The following KPNA1 variants were observed in gnomAD, a reference collection of about 807,000 sequenced individuals.
KPNA1 encodes importin subunit alpha-5.
In KPNA1, 10 loss-of-function variants were observed where a neutral mutation model predicts 70.5. The observed-to-expected ratio is 0.14, with a 90% CI of 0.09 to 0.24. The LOEUF is 0.24. Ranked by LOEUF, KPNA1 falls within the 10% of genes least tolerant of loss-of-function variation. The pLI is 1.00. For synonymous variants in KPNA1, 192 were observed against 221.9 expected, an observed-to-expected ratio of 0.87 and a Z score of 1.20; for missense variants, 397 against 637.9, an observed-to-expected ratio of 0.62 and a Z score of 4.07.
In KPNA1 at chr3:122,467,444, A is replaced by G. The variant is rs2076394089; in HGVS notation, c.130-15T>C. 1 of 1,501,086 alleles carries G rather than the reference A, an allele frequency of 6.7e-7. No homozygotes were observed. Among genetic ancestry groups the G allele is most frequent in the East Asian group, 2.3e-5 (1 of 43,908 alleles). The allele number at this position is 1,501,086 out of a possible 1,614,324, so 93.0% of individuals were successfully genotyped here. ...CGCTTGAATAACTGAAAGATAAAAG[A>G]TTGGTAGCAATGTAAATGTAAATTC... On this transcript the variant is annotated splice_polypyrimidine_tract_variant and intron_variant, in intron 2 of 13. Transcript: ENST00000344337.
At chr3:122,451,108 G>A (rs1264367451) in intron 8 of KPNA1, among the ~76,000 whole-genome samples, 2 of 151,804 alleles carry the variant, frequency 1.3e-5, no homozygotes, top group Non-Finnish European at 2.9e-5. Context: ...AGTAACTCAT[G>A]TACCTAAACA....
chr3:122,442,195 C>A, intron 9 of KPNA1, 79 bp from the exon 10 acceptor site: 4 of 1,123,802 alleles, frequency 3.6e-6, no homozygotes, highest in Admixed American at 2.0e-5. Context: ...AATTAAAAAA[C>A]AAAAAAATTG....
At chr3:122,485,080 T>C (rs1314870973) in intron 2 of KPNA1, among the ~76,000 whole-genome samples, 1 of 152,116 alleles carries the variant, frequency 6.6e-6, no homozygotes. Context: ...CTGTTGTTGT[T>C]GTTTTGTTCT....
intron 11 of KPNA1, among the ~76,000 whole-genome samples, chr3:122,435,113 AT>A (rs2075967418): frequency 6.6e-6 from 1 of 152,184 alleles, no homozygotes; most frequent in African/African-American, 2.4e-5. Flanking sequence ...TCATCTTTTT[AT>A]TCAAATTTTT....
At chr3:122,440,041 T>C (rs970614017) in intron 10 of KPNA1, among the ~76,000 whole-genome samples, 8 of 152,152 alleles carry the variant, frequency 5.3e-5, no homozygotes, top group South Asian at 2.1e-4. Flanking sequence ...AAACTTGAGA[T>C]AGGTCAGAAG....
In KPNA1 at chr3:122,445,837, A is replaced by G. The variant is rs373882974; in HGVS notation, c.918-3721T>C. 3.3e-5 allele frequency among the ~76,000 whole-genome samples: 5 copies of G among 152,184 alleles called. No individual in the cohort carries two copies. The East Asian group carries it at 5.8e-4, about 18-fold the overall frequency. On this transcript the variant is annotated intron_variant, in intron 9 of 13. Transcript: ENST00000344337. The stretch of plus-strand genomic sequence containing the variant: ...AGGGATGGAGGAAGATGTACAAAGC[A>G]CATGGAAAGCAAAAAAAAAGCAGGG...
chr3:122,441,990 C>G (rs2076069775), intron 10 of KPNA1, 48 bp downstream of exon 10: 5 of 1,198,584 alleles, frequency 4.2e-6, no homozygotes, highest in South Asian at 2.4e-5. Flanking sequence ...TCATGAAGTT[C>G]AATATACTGT....
intron 5 of KPNA1, among the ~76,000 whole-genome samples, chr3:122,454,892 A>G (rs2076247806): frequency 6.6e-6 from 1 of 152,240 alleles, no homozygotes; most frequent in Admixed American, 6.5e-5. Context: ...TTACTAAAAT[A>G]TATCTCTAAC....
intron 2 of KPNA1, among the ~76,000 whole-genome samples, chr3:122,490,112 T>A (rs936266765): frequency 2.0e-5 from 3 of 152,260 alleles, no homozygotes; most frequent in African/African-American, 7.2e-5. Context: ...CTCAAACACA[T>A]GTGCTAATCA....
intron 2 of KPNA1, among the ~76,000 whole-genome samples, chr3:122,483,892 T>TACA (rs369244949): frequency 1.7e-4 from 26 of 152,232 alleles, no homozygotes; most frequent in African/African-American, 6.3e-4. Flanking sequence ...ATACAAAGTA[T>TACA]ACAAAATGGC....
At chr3:122,487,260 G>A (rs2076639911) in intron 2 of KPNA1, among the ~76,000 whole-genome samples, 1 of 152,182 alleles carries the variant, frequency 6.6e-6, no homozygotes, top group South Asian at 2.1e-4. Flanking sequence ...ACAAGCATAT[G>A]AAAAGATGCT....
intron 11 of KPNA1, among the ~76,000 whole-genome samples, chr3:122,436,773 C>T (rs1161027048): frequency 2.0e-5 from 3 of 152,034 alleles, no homozygotes; most frequent in African/African-American, 4.8e-5. Flanking sequence ...ATAATGAAAA[C>T]GATATACGTT....
chr3:122,435,745 C>T (rs768218572), intron 11 of KPNA1, among the ~76,000 whole-genome samples: 3 of 152,198 alleles, frequency 2.0e-5, no homozygotes, highest in Non-Finnish European at 4.4e-5. Flanking sequence ...ACATTTATCA[C>T]CTCCCCAATC....
At chr3:122,428,732 T>A (rs2075857260) in intron 12 of KPNA1, among the ~76,000 whole-genome samples, 1 of 152,172 alleles carries the variant, frequency 6.6e-6, no homozygotes, top group Non-Finnish European at 1.5e-5. Flanking sequence ...ATTGAATCAT[T>A]AATAACTTCC....
intron 9 of KPNA1, among the ~76,000 whole-genome samples, chr3:122,446,379 C>T (rs1315450411): frequency 6.6e-5 from 10 of 152,124 alleles, no homozygotes; most frequent in African/African-American, 1.2e-4. Flanking sequence ...CACTCAAAAC[C>T]GCACAACTAC....
intron 2 of KPNA1, among the ~76,000 whole-genome samples, chr3:122,495,120 C>T (rs940405939): frequency 7.3e-5 from 11 of 151,666 alleles, no homozygotes; most frequent in Admixed American, 2.0e-4. Context: ...TGTGGTGGCA[C>T]GCGCCTGTAG....
intron 1 of KPNA1, 135 bp from the exon 2 acceptor site, chr3:122,496,705 C>T (rs979718427): frequency 2.1e-5 from 15 of 710,112 alleles, no homozygotes; most frequent in South Asian, 3.7e-5. Flanking sequence ...TCCCCTCCCC[C>T]ACTCCTGTCT....
At chr3:122,427,475 C>A (rs1300609446) in intron 13 of KPNA1, 63 bp downstream of exon 13, 1 of 1,485,982 alleles carries the variant, frequency 6.7e-7, no homozygotes, top group Admixed American at 2.0e-5. Flanking sequence ...ATTGTTTTTA[C>A]TGAACTCTAT....
chr3:122,506,219 T>C (rs533672050), intron 1 of KPNA1, among the ~76,000 whole-genome samples: 2 of 152,336 alleles, frequency 1.3e-5, no homozygotes, highest in Admixed American at 1.3e-4. Flanking sequence ...CATAATACTC[T>C]TGTGGAACAA....
Sources: gnomAD v4.1 joint callset for allele counts (sites outside exome capture counted in the v4.1 genomes callset) on GRCh38, gnomAD v4.1.1 for gene constraint, MANE v1.5 for transcripts, NCBI Gene and HGNC (gene_info 2026-07-23, HGNC 2026-07-21) for gene names.